Variants in SUV39H2 observed in about 807,000 individuals in gnomAD.
The protein encoded by SUV39H2 is SUV39H2 histone lysine methyltransferase, also known as histone-lysine N-methyltransferase SUV39H2.
SUV39H2 carries 10 observed loss-of-function variants against 47.5 expected under a neutral mutation model. The observed-to-expected ratio is 0.21, with a 90% CI of 0.13 to 0.36. The LOEUF is 0.36. Among genes scored for constraint, SUV39H2 ranks in the 10% least tolerant of loss-of-function variants. SUV39H2 has a pLI of 1.00. For synonymous variants in SUV39H2, 159 were observed against 166.8 expected (o/e 0.95, Z 0.36); for missense variants, 266 against 487.4 (o/e 0.55, Z 4.28).
intron 2 of SUV39H2, among the ~76,000 whole-genome samples, chr10:14,890,820 A>T (rs1282011898): frequency 6.6e-6 from 1 of 152,222 alleles, no homozygotes; most frequent in African/African-American, 2.4e-5. Flanking sequence ...TTGGCTATAG[A>T]CAGCAGGTGA....
At chr10:14,879,237 TC>T in intron 1 of SUV39H2, 1 of 591,738 alleles carries the variant, frequency 1.7e-6, no homozygotes, top group Non-Finnish European at 2.3e-6. Context: ...TCGAGGCCGC[TC>T]CCCGGCAGTC....
chr10:14,881,532 A>T lies in SUV39H2; in HGVS notation c.64A>T (p.Thr22Ser), dbSNP rs951266106. The T allele has an allele frequency of 1.3e-6, 2 of 1,593,570 alleles. No individual in the cohort carries two copies. The highest frequency in any genetic ancestry group is 1.4e-5 in the African/African-American group (1 of 73,982). ...TGTGCCTTGCCTAGTTTCACTTGAT[A>T]CTCTTCAGGAATTATGTAGAAAAGA... ...WCVPCLVSLD[T>S]LQELCRKEKL... Residue 22 changes from threonine (T) to serine (S), a missense_variant, in exon 2 of 6, where the codon ACT (threonine) becomes TCT (serine). Physicochemically the swap from Thr to Ser is moderately conservative, Grantham distance 58 (BLOSUM62 1). Coordinates refer to ENST00000354919, the MANE Select transcript of SUV39H2 (RefSeq NM_001193424.2).
chr10:14,897,205 T>C lies in SUV39H2; in HGVS notation c.537T>C (p.Pro179=), dbSNP rs1224098053. The C allele has an allele frequency of 1.2e-6, 2 of 1,613,884 alleles. No homozygotes were observed. Among genetic ancestry groups the C allele is most frequent in the South Asian group, 2.2e-5 (2 of 91,084 alleles). The part of the protein sequence containing the change: ...FYYINEYKPA[P]GISLVNEATF... ...ACATTAACGAATACAAACCAGCTCC[T>C]GGAATCAGCTTAGTCAATGAAGCTA... The change falls in exon 3 of 6, where the codon CCT becomes CCC. Residue 179 remains proline, a synonymous_variant. Coordinates refer to ENST00000354919, the MANE Select transcript of SUV39H2 (RefSeq NM_001193424.2).
rs1834183014 is a variant in SUV39H2 at position 14,903,918 on chromosome 10, C to A, written c.*1406C>A. 1 of 152,176 alleles carries A rather than the reference C, an allele frequency of 6.6e-6. No individual in the cohort carries two copies. The highest frequency in any genetic ancestry group is 1.5e-5 in the Non-Finnish European group (1 of 68,032). The allele number at this position is 152,176 out of a possible 1,614,324, so 9.4% of individuals were successfully genotyped here. On this transcript the variant is annotated 3_prime_UTR_variant, in exon 6 of 6. Coordinates refer to ENST00000354919, the MANE Select transcript of SUV39H2 (RefSeq NM_001193424.2). ...TTCTTGGGAGAAGCTAGACTTTATT[C>A]ATTATATTGCTATGACAACTTCACT...
chr10:14,896,083 C>G (rs758297961), intron 2 of SUV39H2, among the ~76,000 whole-genome samples: 1 of 152,080 alleles, frequency 6.6e-6, no homozygotes, highest in African/African-American at 2.4e-5. Context: ...ACTGGCATTA[C>G]AGGCGTGCAC....
chr10:14,897,594 T>A (rs2131703879), intron 3 of SUV39H2, 77 bp downstream of exon 3: 11 of 1,165,102 alleles, frequency 9.4e-6, no homozygotes, highest in Non-Finnish European at 1.0e-5. Flanking sequence ...TTTATCTCTT[T>A]AAGAGATACT....
intron 2 of SUV39H2, among the ~76,000 whole-genome samples, chr10:14,896,413 T>C (rs957344072): frequency 6.6e-6 from 1 of 152,208 alleles, no homozygotes; most frequent in African/African-American, 2.4e-5. Context: ...TGGTGTTTGA[T>C]ATTAAGTTAT....
rs1834137546 is a variant in SUV39H2, at chr10:14,903,203, C to G, written c.*691C>G. ...TTCTAGAAGAAAAATCTCCGAAGAG[C>G]TCTCTCTAGAAGTCCAAAATGGCTA... On this transcript the variant is annotated 3_prime_UTR_variant, in exon 6 of 6. Coordinates refer to ENST00000354919, the MANE Select transcript of SUV39H2 (RefSeq NM_001193424.2). 1 of 152,158 alleles carries G rather than the reference C, an allele frequency of 6.6e-6. No homozygotes were observed. Among genetic ancestry groups the G allele is most frequent in the African/African-American group, 2.4e-5 (1 of 41,438 alleles). 9.4% of individuals were successfully genotyped at this position (152,158 alleles called of 1,614,324 possible).
chr10:14,890,990 T>C (rs139666671), intron 2 of SUV39H2, among the ~76,000 whole-genome samples: 243 of 152,334 alleles, frequency 1.6e-3, no homozygotes, highest in African/African-American at 5.6e-3. Flanking sequence ...GCCTAAGATA[T>C]GGTGGGCAGT....
chr10:14,882,910 C>T (rs1330118701), intron 2 of SUV39H2, among the ~76,000 whole-genome samples: 1 of 151,520 alleles, frequency 6.6e-6, no homozygotes. Flanking sequence ...TCTTGTCGCC[C>T]AGGCTGGAGT....
Position 14,902,546 on chromosome 10 carries a change from A to G in SUV39H2, c.*34A>G. 7.4e-7 allele frequency: 1 copy of G among 1,347,738 alleles called. No individual in the cohort carries two copies. Among genetic ancestry groups the G allele is most frequent in the Non-Finnish European group, 1.0e-6 (1 of 987,922 alleles). 83.5% of individuals were successfully genotyped at this position (1,347,738 alleles called of 1,614,324 possible). On this transcript the variant is annotated 3_prime_UTR_variant, in exon 6 of 6. Transcript: ENST00000354919. ...AGGAAATAGAGCTGATGATTATAAT[A>G]TTTTTTTCCTAATGTTAACATTTTT... is the stretch of plus-strand genomic sequence containing the variant.
chr10:14,900,965 A>C (rs1833967663), intron 4 of SUV39H2, among the ~76,000 whole-genome samples, 168 bp from the exon 5 acceptor site: 1 of 152,166 alleles, frequency 6.6e-6, no homozygotes, highest in African/African-American at 2.4e-5. Context: ...TTTATAAGGG[A>C]AAAAAATCTT....
intron 1 of SUV39H2, chr10:14,879,238 C>A: frequency 1.7e-6 from 1 of 595,820 alleles, no homozygotes; most frequent in Non-Finnish European, 2.3e-6. Context: ...CGAGGCCGCT[C>A]CCCGGCAGTC....
In SUV39H2 at chr10:14,880,869, CTG is replaced by C. The variant is rs772319027; in HGVS notation, c.32-630_32-629del. Reference sequence around the variant, plus strand: ...TCGATATACTCCATTTTTTTAATAACTGGAGTTTATTCACCTTGGTGATAATA... The same window carrying C: ...TCGATATACTCCATTTTTTTAATAACGAGTTTATTCACCTTGGTGATAATA... On this transcript the variant is annotated intron_variant, in intron 1 of 5. Coordinates refer to ENST00000354919, the MANE Select transcript of SUV39H2 (RefSeq NM_001193424.2). Among the ~76,000 whole-genome samples, 22 of 152,182 alleles carry C rather than the reference CTG, an allele frequency of 1.4e-4. No individual in the cohort carries two copies. In the South Asian group the frequency reaches 1.7e-3, roughly 11 times the overall value.
At chr10:14,883,723 A>G (rs1833117374) in intron 2 of SUV39H2, among the ~76,000 whole-genome samples, 1 of 142,150 alleles carries the variant, frequency 7.0e-6, no homozygotes, top group Admixed American at 6.9e-5. Context: ...AAAAAAAAAA[A>G]AAAAAAAAAT....
rs961893530 is a variant in SUV39H2 at position 14,879,182 on chromosome 10, C to T, written c.31+263C>T. ...GGAAGTGGAGCGTGGCCTCTCCGCC[C>T]GCTCGGCCCGGCCCCCTCCGCGTCT... On this transcript the variant is annotated intron_variant, in intron 1 of 5. Coordinates refer to ENST00000354919, the MANE Select transcript of SUV39H2 (RefSeq NM_001193424.2). 5.3e-5 allele frequency: 60 copies of T among 1,122,880 alleles called. No homozygotes were observed. In the African/African-American group the frequency reaches 8.0e-4, roughly 15 times the overall value. The allele number at this position is 1,122,880 out of a possible 1,614,324, so 69.6% of individuals were successfully genotyped here. A position where few individuals can be genotyped will look rare whatever the true frequency, so the allele number is the denominator to read the frequency against.
At chr10:14,894,218 C>G (rs12245170) in intron 2 of SUV39H2, among the ~76,000 whole-genome samples, 1 of 146,834 alleles carries the variant, frequency 6.8e-6, no homozygotes, top group Non-Finnish European at 1.5e-5. Flanking sequence ...AAATGTACAT[C>G]TAGGCTTTTT....
At chr10:14,891,811 C>G (rs1833398710) in intron 2 of SUV39H2, among the ~76,000 whole-genome samples, 1 of 152,136 alleles carries the variant, frequency 6.6e-6, no homozygotes, top group Non-Finnish European at 1.5e-5. Context: ...ATCCGGTAGG[C>G]TATTGGATAT....
chr10:14,893,670 A>G (rs1317114279), intron 2 of SUV39H2, among the ~76,000 whole-genome samples: 1 of 152,230 alleles, frequency 6.6e-6, no homozygotes, highest in Non-Finnish European at 1.5e-5. Context: ...AGTCAAGTCT[A>G]CCAAGTTGAA....
Sources: gnomAD v4.1 joint callset for allele counts (sites outside exome capture counted in the v4.1 genomes callset) on GRCh38, gnomAD v4.1.1 for gene constraint, MANE v1.5 for transcripts, NCBI Gene and HGNC (gene_info 2026-07-23, HGNC 2026-07-21) for gene names.